Variants in DOCK7 observed in about 807,000 individuals in gnomAD.
The protein encoded by DOCK7 is dedicator of cytokinesis 7, also known as dedicator of cytokinesis protein 7.
Under a neutral mutation model 271.0 loss-of-function variants are expected in DOCK7, and 138 were observed. The observed-to-expected ratio is 0.51, with a 90% CI of 0.44 to 0.59. The LOEUF (loss-of-function observed/expected upper bound fraction) is 0.59, where lower values mean the gene tolerates loss of function less well. Among genes scored for constraint, DOCK7 ranks in the 20% least tolerant of loss-of-function variants. The pLI is 0.00. For missense variants in DOCK7, 2,066 were observed against 2,592.4 expected (o/e 0.80, Z 4.41); for synonymous variants, 823 against 876.1 (o/e 0.94, Z 1.07).
chr1:62,485,997 T>C (rs1646280789), intron 43 of DOCK7: 1 of 152,018 alleles, frequency 6.6e-6, no homozygotes, highest in Non-Finnish European at 1.5e-5. Flanking sequence ...CTTTCAGGGG[T>C]CGATTTAGCA....
intron 37 of DOCK7, among the ~76,000 whole-genome samples, chr1:62,503,686 C>T (rs565186812): frequency 6.6e-6 from 1 of 152,168 alleles, no homozygotes; most frequent in Non-Finnish European, 1.5e-5. Flanking sequence ...AGCAATCTTC[C>T]TTCCTCGGCC....
chr1:62,527,500 G>C (rs527469512), intron 31 of DOCK7, among the ~76,000 whole-genome samples: 34 of 152,128 alleles, frequency 2.2e-4, no homozygotes, highest in Admixed American at 9.2e-4. Flanking sequence ...TTAAGAAAAC[G>C]TGGCACATAT....
intron 41 of DOCK7, among the ~76,000 whole-genome samples, chr1:62,490,058 TC>T: frequency 1.0e-5 from 1 of 97,002 alleles, no homozygotes; most frequent in East Asian, 3.2e-4. Flanking sequence ...CTATCCCTTA[TC>T]CTTTTTTTTT....
intron 1 of DOCK7, among the ~76,000 whole-genome samples, chr1:62,677,929 T>TGAGA (rs377169449): frequency 0.98 from 149,055 of 152,216 alleles, 73,066 homozygotes; most frequent in Middle Eastern, 1. Context: ...CCAGGAGTTC[T>TGAGA]CCAGCCTGGG....
intron 1 of DOCK7, among the ~76,000 whole-genome samples, chr1:62,682,300 C>A (rs977195902): frequency 2.6e-5 from 4 of 152,180 alleles, no homozygotes; most frequent in African/African-American, 9.7e-5. Flanking sequence ...TAATTTGCAA[C>A]ACACTTGAAT....
At position 62,507,951 on chromosome 1, in the gene DOCK7, T is replaced by G. The variant is rs750632374; in HGVS notation, c.4476+11A>C. ...ATCCGTATTTTAAATTTCTCTTCTT[T>G]GCATTCTTACCTGAACAACAATCTC... On this transcript the variant is annotated intron_variant, in intron 35 of 49. Transcript: ENST00000635253. 1.4e-5 allele frequency: 23 copies of G among 1,608,532 alleles called. No homozygotes were observed. Among genetic ancestry groups the G allele is most frequent in the Non-Finnish European group, 2.0e-5 (23 of 1,177,718 alleles).
At chr1:62,653,845 T>C in intron 3 of DOCK7, 52 bp from the exon 4 acceptor site, 1 of 1,457,746 alleles carries the variant, frequency 6.9e-7, no homozygotes, top group Non-Finnish European at 9.5e-7. Flanking sequence ...AGCACTGATG[T>C]TCATTAATTT....
chr1:62,545,450 T>C (rs1306278913), intron 22 of DOCK7, among the ~76,000 whole-genome samples: 2 of 152,138 alleles, frequency 1.3e-5, no homozygotes, highest in Non-Finnish European at 2.9e-5. Flanking sequence ...GTTATAAACT[T>C]TAATTTCATT....
intron 18 of DOCK7, among the ~76,000 whole-genome samples, chr1:62,576,427 A>G (rs1646943187): frequency 6.6e-6 from 1 of 152,212 alleles, no homozygotes; most frequent in Non-Finnish European, 1.5e-5. Context: ...GTGTGTAAGG[A>G]ACAGCAGAGG....
chr1:62,678,939 C>T (rs1168121), intron 1 of DOCK7, among the ~76,000 whole-genome samples: 139,043 of 152,146 alleles, frequency 0.91, 64,649 homozygotes, highest in Non-Finnish European at 1. Flanking sequence ...ATGATAGATA[C>T]CCCATTTACC....
chr1:62,618,656 T>C (rs781428635), intron 14 of DOCK7, 50 bp downstream of exon 14: 1 of 1,487,816 alleles, frequency 6.7e-7, no homozygotes, highest in Admixed American at 1.8e-5. Flanking sequence ...TTTAATATTT[T>C]AGAATATACA....
chr1:62,571,584 T>C (rs1376210061), intron 18 of DOCK7, among the ~76,000 whole-genome samples: 1 of 152,176 alleles, frequency 6.6e-6, no homozygotes, highest in Non-Finnish European at 1.5e-5. Context: ...ATCATTCTAT[T>C]ATAAAGACAC....
intron 31 of DOCK7, among the ~76,000 whole-genome samples, chr1:62,518,424 G>A (rs573031104): frequency 1.3e-5 from 2 of 151,976 alleles, no homozygotes; most frequent in South Asian, 4.2e-4. Flanking sequence ...ATACAAAAAA[G>A]TTAGCCAGGC....
chr1:62,669,941 G>T (rs1316702122), intron 1 of DOCK7, among the ~76,000 whole-genome samples: 3 of 152,252 alleles, frequency 2.0e-5, no homozygotes, highest in Non-Finnish European at 2.9e-5. Flanking sequence ...GGGCCAGCTG[G>T]AGTTCCGGGT....
At chr1:62,479,746 C>T (rs1557601947) in intron 43 of DOCK7, 6 of 383,100 alleles carry the variant, frequency 1.6e-5, no homozygotes, top group East Asian at 1.5e-4. Flanking sequence ...TACAGTGGTG[C>T]AACCACAGCT....
chr1:62,530,681 A>G (rs1040179750), intron 29 of DOCK7: 1 of 155,544 alleles, frequency 6.4e-6, no homozygotes, highest in African/African-American at 2.4e-5. Context: ...ACATCCAGAA[A>G]GAGTCTGCCT....
intron 14 of DOCK7, among the ~76,000 whole-genome samples, chr1:62,587,299 T>TAAAAAAAA: frequency 1.8e-3 from 76 of 41,840 alleles, no homozygotes; most frequent in Middle Eastern, 0.019. Context: ...ACCAAATAGC[T>TAAAAAAAA]AAAAAAAAAA....
At chr1:62,673,439 C>T (rs1660218760) in intron 1 of DOCK7, among the ~76,000 whole-genome samples, 1 of 152,134 alleles carries the variant, frequency 6.6e-6, no homozygotes, top group Non-Finnish European at 1.5e-5. Flanking sequence ...GGTGATAATA[C>T]TGCTCCCTAT....
At chr1:62,479,108 G>A (rs1326947127) in intron 43 of DOCK7, 4 of 151,890 alleles carry the variant, frequency 2.6e-5, no homozygotes, top group East Asian at 1.9e-4. Flanking sequence ...GCCTATATGC[G>A]CATTACAAGT....
Sources: allele counts gnomAD v4.1 joint callset (sites outside exome capture counted in the v4.1 genomes callset), GRCh38; gene constraint gnomAD v4.1.1; transcripts MANE v1.5; gene names NCBI Gene and HGNC (gene_info 2026-07-23, HGNC 2026-07-21).